EYS: variants seen among roughly 807,000 people sequenced by gnomAD.
EYS encodes the protein EGF-like photoreceptor maintenance factor, also known as protein eyes shut homolog.
A neutral mutation model predicts 282.1 loss-of-function variants in EYS; 250 were observed. The observed-to-expected ratio is 0.89, with a 90% CI of 0.80 to 0.98. EYS has a LOEUF of 0.98. Among genes scored for constraint, EYS ranks in the 50% least tolerant of loss-of-function variants. The probability of loss-of-function intolerance (pLI) is 0.00; values close to 1 mark genes in which losing one functional copy is unlikely to be tolerated. For synonymous variants in EYS, 1,355 were observed against 1,282.9 expected (o/e 1.06, Z -1.20); for missense variants, 4,016 against 3,709.0 (o/e 1.08, Z -2.15).
chr6:65,682,863 C>T (rs962230148), intron 1 of EYS, among the ~76,000 whole-genome samples: 17 of 151,970 alleles, frequency 1.1e-4, no homozygotes, highest in Non-Finnish European at 2.1e-4. Context: ...TCTGAGGGAA[C>T]AGTAAATACC....
chr6:65,539,627 T>G (rs137869261), intron 2 of EYS, among the ~76,000 whole-genome samples: 12 of 152,320 alleles, frequency 7.9e-5, no homozygotes, highest in African/African-American at 2.2e-4. Flanking sequence ...CAAATATGTG[T>G]TGTATTTCTA....
chr6:64,530,538 G>T (rs2150531265), intron 26 of EYS, among the ~76,000 whole-genome samples: 1 of 152,076 alleles, frequency 6.6e-6, no homozygotes, highest in South Asian at 2.1e-4. Flanking sequence ...TTATAGGATT[G>T]ATTTAATAAC....
rs1582585717 is a variant in EYS at position 65,670,957 on chromosome 6, C to A, written c.-447-31065G>T. Among the ~76,000 whole-genome samples, 5 of 151,376 alleles carry A rather than the reference C, an allele frequency of 3.3e-5. No homozygotes were observed. The South Asian group carries it at 1.0e-3, about 31-fold the overall frequency. ...ATTTAACAACCCATCTTTTAAAGCA[C>A]AAAGAAAGGAGAAAACCTTCAGAAA... On this transcript the variant is annotated intron_variant, in intron 1 of 42. Coordinates refer to ENST00000503581, the MANE Select transcript of EYS (RefSeq NM_001142800.2).
chr6:65,324,137 A>G (rs1162005020), intron 11 of EYS, among the ~76,000 whole-genome samples: 2 of 151,448 alleles, frequency 1.3e-5, no homozygotes, highest in Non-Finnish European at 2.9e-5. Flanking sequence ...TGGCTACGCT[A>G]TATAAAATAG....
rs190530062 is a variant in EYS, at chr6:64,070,802, T to G, written c.6572-4311A>C. 1.0e-3 allele frequency among the ~76,000 whole-genome samples: 155 copies of G among 152,152 alleles called. 2 individuals are homozygous for G. The South Asian group carries it at 0.013, about 13-fold the overall frequency. On this transcript the variant is annotated intron_variant, in intron 32 of 42. Coordinates refer to ENST00000503581, the MANE Select transcript of EYS (RefSeq NM_001142800.2). The stretch of plus-strand genomic sequence containing the variant: ...TTTAAGTGTCCATTTTTGTTTTGAG[T>G]GGACAGTGGAAAAGAATACAATGAC...
At chr6:64,977,804 G>A (rs2150114643) in intron 14 of EYS, among the ~76,000 whole-genome samples, 1 of 151,938 alleles carries the variant, frequency 6.6e-6, no homozygotes, top group East Asian at 2.0e-4. Context: ...GATCAAATAA[G>A]TCATGATAGT....
At chr6:64,446,576 T>G (rs1451844599) in intron 26 of EYS, among the ~76,000 whole-genome samples, 2 of 152,082 alleles carry the variant, frequency 1.3e-5, no homozygotes, top group Non-Finnish European at 2.9e-5. Flanking sequence ...TTGTTTTGTT[T>G]TGGTTAGCAG....
intron 33 of EYS, among the ~76,000 whole-genome samples, chr6:64,020,204 A>G (rs1286768114): frequency 3.3e-5 from 5 of 152,186 alleles, no homozygotes. Flanking sequence ...CAAAATAGCT[A>G]GACTAGAGGA....
chr6:64,083,639 GT>G (rs1424405149), intron 31 of EYS, among the ~76,000 whole-genome samples: 4 of 152,206 alleles, frequency 2.6e-5, no homozygotes, highest in Non-Finnish European at 5.9e-5. Flanking sequence ...AAGGGAACAT[GT>G]TTAAAACTGG....
intron 31 of EYS, among the ~76,000 whole-genome samples, chr6:64,136,395 T>C (rs947899743): frequency 6.6e-6 from 1 of 152,148 alleles, no homozygotes; most frequent in South Asian, 2.1e-4. Context: ...CCCCTTCCCA[T>C]GAATCATAAA....
At chr6:64,896,374 C>T (rs1767466603) in intron 18 of EYS, among the ~76,000 whole-genome samples, 1 of 152,016 alleles carries the variant, frequency 6.6e-6, no homozygotes, top group Non-Finnish European at 1.5e-5. Flanking sequence ...CCAGAGGGAC[C>T]TTGCTGTGAG....
At chr6:64,416,840 A>T (rs117308588) in intron 28 of EYS, among the ~76,000 whole-genome samples, 2,376 of 152,280 alleles carry the variant, frequency 0.016, 21 homozygotes, top group South Asian at 0.034. Context: ...AAAAATTATC[A>T]ATGTTGATAA....
rs142070350 is a variant in EYS at position 64,155,728 on chromosome 6, G to A, written c.6425-73726C>T. Among the ~76,000 whole-genome samples the A allele has an allele frequency of 2.9e-3, 434 of 152,184 alleles. 1 individual carries two copies. Among genetic ancestry groups the A allele is most frequent in the Non-Finnish European group, 4.3e-3 (294 of 68,002 alleles). On this transcript the variant is annotated intron_variant, in intron 31 of 42. Transcript: ENST00000503581. ...GAACGATGTTGTGTAACATCTGATC[G>A]TTTATTTAAAATGTGTATATTTTAT...
At chr6:63,884,362 T>C (rs1179321394) in intron 35 of EYS, among the ~76,000 whole-genome samples, 2 of 152,216 alleles carry the variant, frequency 1.3e-5, no homozygotes, top group Non-Finnish European at 2.9e-5. Context: ...AACTTTTCAC[T>C]TATTTTTAGT....
chr6:65,563,499 T>A (rs9453328), intron 2 of EYS, among the ~76,000 whole-genome samples: 2,422 of 152,220 alleles, frequency 0.016, 58 homozygotes, highest in African/African-American at 0.055. Context: ...TTCAGCAATA[T>A]TTTATAAAGC....
chr6:64,030,575 G>A lies in EYS; in HGVS notation c.6726-31392C>T, dbSNP rs761520392. Among the ~76,000 whole-genome samples, 6 of 151,510 alleles carry A rather than the reference G, an allele frequency of 4.0e-5. No homozygotes were observed. The East Asian group carries it at 5.9e-4, about 15-fold the overall frequency. On this transcript the variant is annotated intron_variant, in intron 33 of 42. Coordinates refer to ENST00000503581, the MANE Select transcript of EYS (RefSeq NM_001142800.2). Reference sequence around the variant, plus strand: ...CCAGTCGGGGATAGTACGAGATGCCGCCCGGCGTTTACAGGAAAAGCCTTC... The same window carrying A: ...CCAGTCGGGGATAGTACGAGATGCCACCCGGCGTTTACAGGAAAAGCCTTC...
intron 5 of EYS, among the ~76,000 whole-genome samples, chr6:65,423,005 G>A (rs2150378293): frequency 6.6e-6 from 1 of 151,638 alleles, no homozygotes. Context: ...CAGTCAAAAA[G>A]CACATGACAA....
intron 41 of EYS, among the ~76,000 whole-genome samples, chr6:63,738,876 G>T (rs1769000009): frequency 6.6e-6 from 1 of 152,074 alleles, no homozygotes; most frequent in African/African-American, 2.4e-5. Flanking sequence ...CCACCCACTA[G>T]CAGCATTAAC....
At chr6:64,937,806 A>G (rs954222997) in intron 15 of EYS, among the ~76,000 whole-genome samples, 2 of 151,674 alleles carry the variant, frequency 1.3e-5, no homozygotes, top group African/African-American at 4.8e-5. Context: ...AATTGAAAAT[A>G]TATGTCTGGA....
Sources: gnomAD v4.1 joint callset for allele counts (sites outside exome capture counted in the v4.1 genomes callset) on GRCh38, gnomAD v4.1.1 for gene constraint, MANE v1.5 for transcripts, NCBI Gene and HGNC (gene_info 2026-07-23, HGNC 2026-07-21) for gene names.